The following MYH15 variants were observed in gnomAD, a reference collection of about 807,000 sequenced individuals.
The protein encoded by MYH15 is myosin-15.
A neutral mutation model predicts 240.5 loss-of-function variants in MYH15; 227 were observed. The observed-to-expected ratio is 0.94, with a 90% CI of 0.85 to 1.05. The LOEUF (loss-of-function observed/expected upper bound fraction) is 1.05. Ranked by LOEUF, MYH15 falls within the 50% of genes least tolerant of loss-of-function variation. The pLI, the probability that MYH15 is intolerant of heterozygous loss-of-function variation, is 0.00. For missense variants in MYH15, 2,217 were observed against 2,247.5 expected, an observed-to-expected ratio of 0.99 and a Z score of 0.27; for synonymous variants, 785 against 796.7, an observed-to-expected ratio of 0.99 and a Z score of 0.25.
intron 10 of MYH15, 77 bp from the exon 11 acceptor site, chr3:108,485,306 C>T: frequency 6.5e-7 from 1 of 1,535,228 alleles, no homozygotes; most frequent in Non-Finnish European, 8.9e-7. Context: ...CGCTGTGTTA[C>T]ACCTCGGGCT....
intron 21 of MYH15, among the ~76,000 whole-genome samples, chr3:108,446,518 T>C (rs2082929689): frequency 6.6e-6 from 1 of 152,106 alleles, no homozygotes; most frequent in African/African-American, 2.4e-5. Context: ...CAAACACTAA[T>C]GTAAGGCCAC....
At position 108,439,845 on chromosome 3, in the gene MYH15, C is replaced by G; in HGVS notation, c.2967G>C (p.Lys989Asn). 1.2e-6 allele frequency: 2 copies of G among 1,613,016 alleles called. No homozygotes were observed. The highest frequency in any genetic ancestry group is 8.5e-7 in the Non-Finnish European group (1 of 1,179,578). Residue 989 changes from lysine to asparagine, a missense_variant, in exon 24 of 41, where the codon AAG becomes AAC. Coordinates refer to ENST00000693548, the MANE Select transcript of MYH15 (RefSeq NM_014981.3). ...TCTGCTGATGGGCCTCCTGCACAAC[C>G]TTGGCTGCTCTGTTAAGTTTGCTGA... is the stretch of plus-strand genomic sequence containing the variant. ...EDISKLNRAA[K>N]VVQEAHQQTL...
Position 108,428,770 on chromosome 3 carries a change from G to C in MYH15, c.3424C>G (p.Leu1142Val), listed in dbSNP as rs558561858. 6.2e-7 allele frequency: 1 copy of C among 1,613,742 alleles called. No homozygotes were observed. The highest frequency in any genetic ancestry group is 1.3e-5 in the African/African-American group (1 of 74,800). The change falls in exon 27 of 41, where the codon CTG becomes GTG. Residue 1142 changes from leucine (L) to valine (V), a missense_variant. Physicochemically the swap from Leu to Val is conservative, Grantham distance 32. Transcript: ENST00000693548. ...TQDLADLNER[L>V]EEVGGSSLAQ... ...AAACTGGATCCTCCTACCTCCTCCA[G>C]CCTCTCATTCAAGTCAGCCAGGTCT...
At chr3:108,495,174 G>A (rs1429531968) in intron 7 of MYH15, among the ~76,000 whole-genome samples, 1 of 152,210 alleles carries the variant, frequency 6.6e-6, no homozygotes, top group Non-Finnish European at 1.5e-5. Flanking sequence ...AAATTATACA[G>A]TGGCTCCCTG....
intron 6 of MYH15, among the ~76,000 whole-genome samples, chr3:108,496,812 A>C (rs549329526): frequency 6.6e-6 from 1 of 151,618 alleles, no homozygotes; most frequent in Non-Finnish European, 1.5e-5. Context: ...AAAAAAAAAA[A>C]AAAACCACAA....
chr3:108,462,255 A>ACAT (rs2083077727), intron 16 of MYH15, among the ~76,000 whole-genome samples: 1 of 152,022 alleles, frequency 6.6e-6, no homozygotes, highest in South Asian at 2.1e-4. Flanking sequence ...CAAATCCATC[A>ACAT]CATGATGGTG....
intron 38 of MYH15, among the ~76,000 whole-genome samples, chr3:108,386,956 C>A (rs2082388021): frequency 6.6e-6 from 1 of 151,986 alleles, no homozygotes; most frequent in African/African-American, 2.4e-5. Context: ...TTACAAGTAC[C>A]TAATCTTATG....
intron 32 of MYH15, among the ~76,000 whole-genome samples, chr3:108,406,797 A>T (rs2082549898): frequency 6.6e-6 from 1 of 152,210 alleles, no homozygotes; most frequent in Non-Finnish European, 1.5e-5. Flanking sequence ...TTTGAGCATT[A>T]TGGCCTTCCT....
At chr3:108,396,598 C>A (rs1365169470) in intron 35 of MYH15, among the ~76,000 whole-genome samples, 2 of 152,058 alleles carry the variant, frequency 1.3e-5, no homozygotes, top group African/African-American at 4.8e-5. Flanking sequence ...ATTGGGAAAC[C>A]TTGTTCTAGA....
intron 6 of MYH15, 74 bp downstream of exon 6, chr3:108,497,978 G>A (rs2083405211): frequency 2.3e-6 from 3 of 1,297,314 alleles, no homozygotes; most frequent in Admixed American, 3.5e-5. Flanking sequence ...TCCCAAAAGT[G>A]GTCCGGACAC....
chr3:108,447,056 T>C (rs892096284), intron 21 of MYH15, among the ~76,000 whole-genome samples: 3 of 151,898 alleles, frequency 2.0e-5, no homozygotes, highest in African/African-American at 7.3e-5. Context: ...CACATAGAAA[T>C]TCTGGAATTG....
chr3:108,437,224 G>C (rs1313338619), intron 25 of MYH15, among the ~76,000 whole-genome samples: 1 of 142,248 alleles, frequency 7.0e-6, no homozygotes. Flanking sequence ...CATTGGTCTC[G>C]TCATGAGTAA....
At chr3:108,384,658 A>T (rs371211680) in intron 39 of MYH15, 29 bp downstream of exon 39, 70 of 1,588,014 alleles carry the variant, frequency 4.4e-5, no homozygotes, top group Non-Finnish European at 6.0e-5. Flanking sequence ...TGGGAAATCC[A>T]TGAGGCTGAA....
At position 108,510,465 on chromosome 3, in the gene MYH15, T is replaced by A; in HGVS notation, c.66A>T (p.Leu22=). 6.2e-7 allele frequency: 1 copy of A among 1,613,006 alleles called. No individual in the cohort carries two copies. The highest frequency in any genetic ancestry group is 8.5e-7 in the Non-Finnish European group (1 of 1,179,548). ...FLRRSEAELL[L]LQATALDGKK... The stretch of plus-strand genomic sequence containing the variant: ...CACCATCCAAGGCTGTGGCCTGTAG[T>A]AGAAGCAGCTCAGCTTCACTTCTTC... Residue 22 remains leucine (L), a synonymous_variant, in exon 1 of 41, where the codon CTA becomes CTT. Transcript: ENST00000693548.
At chr3:108,428,364 C>A (rs1198818769) in intron 27 of MYH15, 128 bp downstream of exon 27, 3 of 1,156,568 alleles carry the variant, frequency 2.6e-6, no homozygotes, top group Non-Finnish European at 3.7e-6. Context: ...GTCCAAAGGA[C>A]TATAGTCTTC....
intron 21 of MYH15, 27 bp downstream of exon 21, chr3:108,453,979 T>C (rs769167452): frequency 8.1e-6 from 13 of 1,601,184 alleles, no homozygotes; most frequent in South Asian, 1.1e-5. Context: ...ACCCTAGCAG[T>C]TGGGGAGCAG....
At chr3:108,518,408 T>C (rs569610126) in intron 1 of MYH15, among the ~76,000 whole-genome samples, 5 of 152,264 alleles carry the variant, frequency 3.3e-5, no homozygotes, top group African/African-American at 1.2e-4. Context: ...AAGGCCATCA[T>C]CATTTTTCTG....
At chr3:108,548,000 T>C in the MYH15 span, among the ~76,000 whole-genome samples, 2 of 152,182 alleles carry the variant, frequency 1.3e-5, no homozygotes, top group Non-Finnish European at 2.9e-5. Flanking sequence ...CCAGAGTCTT[T>C]CCATGTAATT....
At chr3:108,433,298 T>C (rs2082796443) in intron 25 of MYH15, among the ~76,000 whole-genome samples, 1 of 152,228 alleles carries the variant, frequency 6.6e-6, no homozygotes, top group South Asian at 2.1e-4. Context: ...ATTTACCCAG[T>C]GCCTGTACCC....
Sources: allele counts gnomAD v4.1 joint callset (sites outside exome capture counted in the v4.1 genomes callset), GRCh38; gene constraint gnomAD v4.1.1; transcripts MANE v1.5; gene names NCBI Gene and HGNC (gene_info 2026-07-23, HGNC 2026-07-21).